STK33: variants seen among roughly 807,000 people sequenced by gnomAD.
The protein encoded by STK33 is serine/threonine kinase 33, also known as serine/threonine-protein kinase 33.
STK33 carries 52 observed loss-of-function variants against 58.0 expected under a neutral mutation model. The ratio of observed to expected loss-of-function variants is 0.90; its 90% CI spans 0.72 to 1.13. The LOEUF is 1.13. Ranked by LOEUF, STK33 falls within the 50% of genes most tolerant of loss-of-function variation. STK33 has a pLI of 0.00. For synonymous variants in STK33, 215 were observed against 200.1 expected (o/e 1.07, Z -0.63); for missense variants, 630 against 604.2 (o/e 1.04, Z -0.45).
chr11:8,487,421 C>CAAAA lies in STK33; in HGVS notation c.-465-6811_-465-6808dup, dbSNP rs35061686. Among the ~76,000 whole-genome samples the CAAAA allele has an allele frequency of 1.1e-4, 11 of 102,988 alleles. No homozygotes were observed. The South Asian group carries it at 1.7e-3, about 16-fold the overall frequency. The allele number at this position is 102,988 out of a possible 152,430, so 67.6% of individuals were successfully genotyped here. ...TGAGTGACACAGTGAGACCCAGTCT[C>CAAAA]AAAAAAAAAAAAAAAAAAAAAGAGA... On this transcript the variant is annotated intron_variant, in intron 1 of 15. Transcript: ENST00000687296.
chr11:8,462,749 G>T (rs1028217621), intron 7 of STK33, among the ~76,000 whole-genome samples: 6 of 152,098 alleles, frequency 3.9e-5, no homozygotes, highest in African/African-American at 1.4e-4. Flanking sequence ...CTTCATTCGG[G>T]TGTAGGTAAT....
chr11:8,361,628 A>C, the STK33 span, among the ~76,000 whole-genome samples: 1 of 152,046 alleles, frequency 6.6e-6, no homozygotes, highest in Non-Finnish European at 1.5e-5. This position sits in a 1 kb window ranked among gnomAD's most constrained non-coding sequence, Gnocchi z 4.8. Context: ...TTATCCCTAT[A>C]TCCAGGCTTT....
chr11:8,456,766 T>C (rs1294019493), intron 9 of STK33, among the ~76,000 whole-genome samples: 1 of 152,236 alleles, frequency 6.6e-6, no homozygotes, highest in African/African-American at 2.4e-5. Context: ...TGTATGATAC[T>C]ATAATGGTGG....
At chr11:8,462,527 G>A (rs1947686745) in intron 7 of STK33, among the ~76,000 whole-genome samples, 1 of 149,756 alleles carries the variant, frequency 6.7e-6, no homozygotes, top group African/African-American at 2.5e-5. Context: ...TTCTACACTC[G>A]GCTCTGCACT....
At chr11:8,379,320 T>C in the STK33 span, among the ~76,000 whole-genome samples, 13 of 152,130 alleles carry the variant, frequency 8.5e-5, no homozygotes, top group Non-Finnish European at 7.4e-5. Context: ...AAAAGGCTTC[T>C]GCACAGCAGA....
At chr11:8,432,988 A>G (rs1943595906) in intron 14 of STK33, among the ~76,000 whole-genome samples, 1 of 152,240 alleles carries the variant, frequency 6.6e-6, no homozygotes, top group Admixed American at 6.5e-5. Context: ...GCTAATTAGA[A>G]AACAAATAAT....
At chr11:8,572,774 A>G (rs1250457121) in intron 1 of STK33, among the ~76,000 whole-genome samples, 1 of 152,026 alleles carries the variant, frequency 6.6e-6, no homozygotes, top group East Asian at 1.9e-4. Context: ...GAAAAATACA[A>G]TACCTAAAAT....
intron 1 of STK33, among the ~76,000 whole-genome samples, chr11:8,504,306 TA>T (rs1565212439): frequency 6.6e-6 from 1 of 152,188 alleles, no homozygotes; most frequent in Non-Finnish European, 1.5e-5. Context: ...TGGGAATATG[TA>T]AGCTTTGTAA....
chr11:8,462,410 T>TAC (rs758726014), intron 7 of STK33, among the ~76,000 whole-genome samples: 108 of 144,400 alleles, frequency 7.5e-4, no homozygotes, highest in Non-Finnish European at 1.4e-3. Context: ...TACATATATA[T>TAC]ACACACACAT....
chr11:8,413,438 C>T, intron 15 of STK33, 57 bp downstream of exon 15: 1 of 1,578,324 alleles, frequency 6.3e-7, no homozygotes, highest in Non-Finnish European at 8.7e-7. Flanking sequence ...AAAAAATGTT[C>T]CAGGTGTGGT....
intron 1 of STK33, among the ~76,000 whole-genome samples, chr11:8,521,211 C>A (rs1257009895): frequency 6.6e-6 from 1 of 152,102 alleles, no homozygotes; most frequent in African/African-American, 2.4e-5. Flanking sequence ...AGGCATCACA[C>A]TACCTGACTT....
At chr11:8,543,307 T>C (rs993558281) in intron 1 of STK33, among the ~76,000 whole-genome samples, 3 of 152,240 alleles carry the variant, frequency 2.0e-5, no homozygotes, top group Non-Finnish European at 2.9e-5. Context: ...TTTTTAACTA[T>C]GGGAATTAAA....
At chr11:8,454,955 A>G in intron 9 of STK33, 123 bp from the exon 10 acceptor site, 1 of 1,000,154 alleles carries the variant, frequency 1.0e-6, no homozygotes, top group South Asian at 1.9e-5. Flanking sequence ...GGCCAAGCAT[A>G]GTCTGTCCTG....
At chr11:8,382,701 G>A in the STK33 span, among the ~76,000 whole-genome samples, 6 of 152,230 alleles carry the variant, frequency 3.9e-5, no homozygotes, top group East Asian at 5.8e-4. Context: ...GTTTCCCACC[G>A]CCACCCCAGC....
At chr11:8,430,410 A>G (rs555951338) in intron 14 of STK33, among the ~76,000 whole-genome samples, 1 of 152,166 alleles carries the variant, frequency 6.6e-6, no homozygotes, top group East Asian at 1.9e-4. Flanking sequence ...GGGGTTTCCA[A>G]TCTTTTCGCT....
the STK33 span, among the ~76,000 whole-genome samples, chr11:8,352,030 T>C: frequency 3.2e-4 from 49 of 152,316 alleles, no homozygotes; most frequent in Middle Eastern, 0.01. Context: ...TCCCATCACC[T>C]TCCCCATTGC....
At chr11:8,352,211 G>T in the STK33 span, among the ~76,000 whole-genome samples, 4 of 152,346 alleles carry the variant, frequency 2.6e-5, no homozygotes, top group East Asian at 5.8e-4. Flanking sequence ...GAGAGATGCT[G>T]TGGCCAGAGC....
chr11:8,401,661 A>G (rs1937994022), intron 15 of STK33, among the ~76,000 whole-genome samples: 1 of 152,258 alleles, frequency 6.6e-6, no homozygotes, highest in Non-Finnish European at 1.5e-5. Flanking sequence ...AGCAAAAGAA[A>G]CTACCATCAG....
chr11:8,355,408 G>A, the STK33 span, among the ~76,000 whole-genome samples: 1 of 152,224 alleles, frequency 6.6e-6, no homozygotes, highest in African/African-American at 2.4e-5. Context: ...TAGTGGCTAC[G>A]GTACTGGACG....
Sources: gnomAD v4.1 joint callset for allele counts (sites outside exome capture counted in the v4.1 genomes callset) on GRCh38, gnomAD v4.1.1 for gene constraint, Gnocchi (gnomAD v3.1) non-coding constraint, MANE v1.5 for transcripts, NCBI Gene and HGNC (gene_info 2026-07-23, HGNC 2026-07-21) for gene names.